PARD3: variants seen among roughly 807,000 people sequenced by gnomAD.
PARD3 encodes partitioning defective 3 homolog.
PARD3 carries 75 observed loss-of-function variants against 155.4 expected under a neutral mutation model. That is an observed-to-expected ratio of 0.48 (90% confidence interval 0.40 to 0.58). PARD3 has a LOEUF of 0.58. Among genes scored for constraint, PARD3 ranks in the 20% least tolerant of loss-of-function variants. The probability of loss-of-function intolerance (pLI) is 0.00; values close to 1 mark genes in which losing one functional copy is unlikely to be tolerated. For missense variants in PARD3, 1,642 were observed against 1,721.7 expected (o/e 0.95, Z 0.82); for synonymous variants, 576 against 610.5 (o/e 0.94, Z 0.83).
At chr10:34,117,040 C>T (rs926671715) in intron 24 of PARD3, among the ~76,000 whole-genome samples, 11 of 152,170 alleles carry the variant, frequency 7.2e-5, no homozygotes, top group African/African-American at 2.2e-4. Flanking sequence ...AGTGGAAGCA[C>T]CTGCCTCTGT....
intron 7 of PARD3, among the ~76,000 whole-genome samples, chr10:34,393,150 TAAAAA>T (rs34936875): frequency 3.0e-5 from 4 of 133,840 alleles, no homozygotes; most frequent in East Asian, 2.1e-4. Flanking sequence ...TACTAGATCT[TAAAAA>T]AAAAAAAAAA....
chr10:34,597,792 T>C (rs1006759906), intron 2 of PARD3, among the ~76,000 whole-genome samples: 1 of 152,110 alleles, frequency 6.6e-6, no homozygotes, highest in African/African-American at 2.4e-5. Context: ...TGGCTGATTG[T>C]CCAGTGAGCT....
rs545198316 is a variant in PARD3, at chr10:34,425,702, G to A, written c.715-23785C>T. Among the ~76,000 whole-genome samples the A allele has an allele frequency of 1.3e-3, 197 of 152,256 alleles. 1 individual carries two copies. Among genetic ancestry groups the A allele is most frequent in the African/African-American group, 4.5e-3 (189 of 41,558 alleles). On this transcript the variant is annotated intron_variant, in intron 5 of 24. Transcript: ENST00000374788. ...GCATGTCCCTGTGAAAATAGGTGGC[G>A]CTGGGCATGGGGACATGCTACTGTA...
At chr10:34,310,792 A>T (rs2134084967) in intron 20 of PARD3, among the ~76,000 whole-genome samples, 1 of 152,364 alleles carries the variant, frequency 6.6e-6, no homozygotes, top group East Asian at 1.9e-4. Flanking sequence ...AGAAGCATAC[A>T]TTAAGTCCTT....
chr10:34,505,740 T>C (rs923700798), intron 3 of PARD3, among the ~76,000 whole-genome samples: 1 of 152,220 alleles, frequency 6.6e-6, no homozygotes, highest in Non-Finnish European at 1.5e-5. Flanking sequence ...GTGTAAAATA[T>C]TATATTACAT....
At chr10:34,814,230 C>T (rs989533944) in intron 1 of PARD3, among the ~76,000 whole-genome samples, 4 of 152,154 alleles carry the variant, frequency 2.6e-5, no homozygotes, top group Non-Finnish European at 1.5e-5. Context: ...CGGTGGCCCT[C>T]CCGGGAACGC....
intron 16 of PARD3, among the ~76,000 whole-genome samples, chr10:34,337,727 A>T (rs557892565): frequency 6.6e-6 from 1 of 152,360 alleles, no homozygotes; most frequent in South Asian, 2.1e-4. Context: ...TTTCAAGATG[A>T]TCATAAAAAA....
chr10:34,458,048 A>G (rs2077428923), intron 4 of PARD3, among the ~76,000 whole-genome samples: 1 of 152,218 alleles, frequency 6.6e-6, no homozygotes, highest in Non-Finnish European at 1.5e-5. Flanking sequence ...CTTGAATTCA[A>G]AATGATGATA....
At chr10:34,422,923 C>T (rs989363837) in intron 5 of PARD3, among the ~76,000 whole-genome samples, 2 of 152,116 alleles carry the variant, frequency 1.3e-5, no homozygotes, top group African/African-American at 4.8e-5. Flanking sequence ...AGCAATCCCA[C>T]CACTGGGCAT....
intron 2 of PARD3, among the ~76,000 whole-genome samples, chr10:34,638,967 G>GTTATATGAAT (rs1461325254): frequency 6.6e-6 from 1 of 152,218 alleles, no homozygotes; most frequent in African/African-American, 2.4e-5. Flanking sequence ...GCTCTATGAA[G>GTTATATGAAT]TTATTTCAAA....
At chr10:34,573,812 A>T (rs1372442954) in intron 2 of PARD3, among the ~76,000 whole-genome samples, 1 of 151,602 alleles carries the variant, frequency 6.6e-6, no homozygotes, top group Non-Finnish European at 1.5e-5. Flanking sequence ...GTACCGAACT[A>T]TACTTGCTTC....
chr10:34,534,146 G>A (rs1367541603), intron 2 of PARD3, among the ~76,000 whole-genome samples: 4 of 151,150 alleles, frequency 2.6e-5, no homozygotes, highest in Non-Finnish European at 5.9e-5. Context: ...GGCGCCTGTA[G>A]TCCCAGCTAC....
chr10:34,293,797 G>A (rs926116766), intron 20 of PARD3, among the ~76,000 whole-genome samples: 2 of 152,174 alleles, frequency 1.3e-5, no homozygotes, highest in Non-Finnish European at 2.9e-5. Flanking sequence ...TGAGCTTTAA[G>A]CAGCTCAAGT....
At chr10:34,152,915 A>T (rs555344004) in intron 22 of PARD3, among the ~76,000 whole-genome samples, 3 of 152,214 alleles carry the variant, frequency 2.0e-5, no homozygotes, top group African/African-American at 7.2e-5. Context: ...ATCAGGACCA[A>T]CCTCTTCGCT....
At chr10:34,220,810 C>T (rs1952241058) in intron 22 of PARD3, among the ~76,000 whole-genome samples, 1 of 152,142 alleles carries the variant, frequency 6.6e-6, no homozygotes, top group Non-Finnish European at 1.5e-5. Flanking sequence ...TCTATGATTC[C>T]CCAAACAGTT....
chr10:34,484,599 C>T (rs1589739190), intron 3 of PARD3, among the ~76,000 whole-genome samples: 1 of 152,096 alleles, frequency 6.6e-6, no homozygotes, highest in African/African-American at 2.4e-5. Context: ...TATTTTTGAG[C>T]CCCATGTCCC....
intron 22 of PARD3, among the ~76,000 whole-genome samples, chr10:34,212,611 C>T (rs979688406): frequency 1.3e-5 from 2 of 151,690 alleles, no homozygotes; most frequent in African/African-American, 2.4e-5. Flanking sequence ...GTACCTGGTG[C>T]GCCCTACAGC....
At chr10:34,807,105 G>T (rs1193817574) in intron 1 of PARD3, among the ~76,000 whole-genome samples, 1 of 152,226 alleles carries the variant, frequency 6.6e-6, no homozygotes, top group Non-Finnish European at 1.5e-5. Flanking sequence ...AGCCCTTAGA[G>T]GGGGTAGGGG....
rs141072809 is a variant in PARD3, at chr10:34,753,614, A to T, written c.121-57195T>A. ...ATAAAAATAAATATTTAGCCTACTT[A>T]TTGATAAAAATATCCTCCCAGTAGC... is the stretch of plus-strand genomic sequence containing the variant. On this transcript the variant is annotated intron_variant, in intron 1 of 24. Transcript: ENST00000374788. 7.1e-3 allele frequency among the ~76,000 whole-genome samples: 1,077 copies of T among 152,332 alleles called. 13 individuals carry two copies. Among genetic ancestry groups the T allele is most frequent in the African/African-American group, 0.025 (1,048 of 41,558 alleles).
Sources: allele counts gnomAD v4.1 joint callset (sites outside exome capture counted in the v4.1 genomes callset), GRCh38; gene constraint gnomAD v4.1.1; transcripts MANE v1.5; gene names NCBI Gene and HGNC (gene_info 2026-07-23, HGNC 2026-07-21).